Variants in SLC6A16 observed in about 807,000 individuals in gnomAD.
SLC6A16 encodes the protein solute carrier family 6 member 16.
In SLC6A16, 54 loss-of-function variants were observed where a neutral mutation model predicts 65.4. The observed-to-expected ratio is 0.83, with a 90% CI of 0.66 to 1.04. The LOEUF is 1.04. Among genes scored for constraint, SLC6A16 ranks in the 50% least tolerant of loss-of-function variants. SLC6A16 has a pLI of 0.00. For synonymous variants in SLC6A16, 330 were observed against 346.5 expected (o/e 0.95, Z 0.53); for missense variants, 816 against 914.0 (o/e 0.89, Z 1.38).
At chr19:49,337,094 C>T in the SLC6A16 span, 5 of 1,614,022 alleles carry the variant, frequency 3.1e-6, no homozygotes, top group East Asian at 2.2e-5. Context: ...CAAAAATGGC[C>T]TGGGCCGGGG....
At chr19:49,335,553 G>A in the SLC6A16 span, 7 of 1,613,876 alleles carry the variant, frequency 4.3e-6, no homozygotes, top group Non-Finnish European at 5.9e-6. This position sits in a 1 kb window ranked among gnomAD's most constrained non-coding sequence, Gnocchi z 4.6. Flanking sequence ...GTCAGCCCAG[G>A]AGAGCTGCCT....
the SLC6A16 span, chr19:49,339,293 A>G: frequency 6.3e-7 from 1 of 1,585,248 alleles, no homozygotes; most frequent in Middle Eastern, 1.7e-4. This position sits in a 1 kb window ranked among gnomAD's most constrained non-coding sequence, Gnocchi z 4.5. Context: ...TGAGAGTCCC[A>G]GAAAGAATCC....
chr19:49,319,498 T>C (rs557755672), intron 1 of SLC6A16, among the ~76,000 whole-genome samples: 1 of 150,528 alleles, frequency 6.6e-6, no homozygotes, highest in East Asian at 1.9e-4. Context: ...TACTTATACA[T>C]ATATGTGTAT....
intron 1 of SLC6A16, among the ~76,000 whole-genome samples, chr19:49,312,936 G>C (rs1970548497): frequency 6.6e-6 from 1 of 152,034 alleles, no homozygotes; most frequent in Non-Finnish European, 1.5e-5. Context: ...AAGATGATCA[G>C]GCCAGGCGCA....
At chr19:49,315,590 G>C (rs1970602456) in intron 1 of SLC6A16, among the ~76,000 whole-genome samples, 2 of 152,052 alleles carry the variant, frequency 1.3e-5, no homozygotes, top group Non-Finnish European at 2.9e-5. Flanking sequence ...AAGCTTCGTG[G>C]TAACTACAAA....
Position 49,309,108 on chromosome 19 carries a change from C to A in SLC6A16, c.997G>T (p.Val333Leu). The part of the protein sequence containing the change: ...QQLVVAKISD[V>L]YNMSVWSLAG... ...AGAGACCACACACTCATATTGTACA[C>A]ATCCGATATCTAAAAGAGAGAAGAC... Residue 333 changes from valine (V) to leucine (L), a missense_variant, in exon 7 of 12, where the codon GTG becomes TTG. Coordinates refer to ENST00000335875, the MANE Select transcript of SLC6A16 (RefSeq NM_014037.3). 1 of 1,614,100 alleles carries A rather than the reference C, an allele frequency of 6.2e-7. No individual in the cohort carries two copies. The highest frequency in any genetic ancestry group is 8.5e-7 in the Non-Finnish European group (1 of 1,179,986).
Position 49,311,168 on chromosome 19 carries a change from C to T in SLC6A16, c.180G>A (p.Gln60=). ...TTTGCTTGGGCTGACTGGTCCTGGC[C>T]TGAGCCTCTGCAACCCGGGCTGCTG... ...QVSAARVAEA[Q]ARTSQPKQIS... is the part of the protein sequence containing the mutation. The change falls in exon 2 of 12, where the codon CAG becomes CAA. Residue 60 remains glutamine, a synonymous_variant. Coordinates refer to ENST00000335875, the MANE Select transcript of SLC6A16 (RefSeq NM_014037.3). The T allele has an allele frequency of 6.2e-7, 1 of 1,614,130 alleles. No homozygotes were observed. Among genetic ancestry groups the T allele is most frequent in the East Asian group, 2.2e-5 (1 of 44,880 alleles).
chr19:49,337,306 A>G, the SLC6A16 span: 39 of 1,296,948 alleles, frequency 3.0e-5, no homozygotes, highest in Non-Finnish European at 4.1e-5. Context: ...AGAGACCGAA[A>G]CAAGGGCAGA....
intron 1 of SLC6A16, among the ~76,000 whole-genome samples, chr19:49,315,902 GA>G (rs1441775369): frequency 1.3e-5 from 2 of 152,022 alleles, no homozygotes; most frequent in African/African-American, 4.8e-5. Context: ...AACAATCAAT[GA>G]AACCAGCTAT....
chr19:49,297,068 T>C (rs1281445644), intron 7 of SLC6A16, among the ~76,000 whole-genome samples: 1 of 151,878 alleles, frequency 6.6e-6, no homozygotes, highest in Non-Finnish European at 1.5e-5. Context: ...TGAAAGAAAA[T>C]TGATAAATTG....
chr19:49,314,453 CCTCA>C (rs1467512651), intron 1 of SLC6A16, among the ~76,000 whole-genome samples: 1 of 152,050 alleles, frequency 6.6e-6, no homozygotes, highest in East Asian at 1.9e-4. Context: ...GTCAATCATC[CCTCA>C]ATAAATATGT....
chr19:49,338,748 A>C, the SLC6A16 span: 1 of 1,613,284 alleles, frequency 6.2e-7, no homozygotes, highest in Non-Finnish European at 8.5e-7. The surrounding 1 kb of genome is among the most constrained non-coding windows in gnomAD (Gnocchi z 5.0). Context: ...CCAAGTCCTC[A>C]TCCTGAGAGG....
At position 49,309,000 on chromosome 19, in the gene SLC6A16, T is replaced by C. The variant is rs1323052870; in HGVS notation, c.1105A>G (p.Asn369Asp). Residue 369 changes from asparagine to aspartate, a missense_variant, in exon 7 of 12, where the codon AAC (asparagine) becomes GAC (aspartate). Transcript: ENST00000335875. ...ACGAGAAAGGCATCACTGAGACAGT[T>C]GTTGGACTGGGGCATGTAGGAGGCT... is the stretch of plus-strand genomic sequence containing the variant. The part of the protein sequence containing the change: ...SLASYMPQSN[N>D]CLSDAFLVSV... The C allele has an allele frequency of 6.2e-7, 1 of 1,614,106 alleles. No homozygotes were observed. Among genetic ancestry groups the C allele is most frequent in the Admixed American group, 1.7e-5 (1 of 60,016 alleles).
At chr19:49,293,041 G>T (rs1970107510) in intron 10 of SLC6A16, 182 bp downstream of exon 10, 1 of 559,282 alleles carries the variant, frequency 1.8e-6, no homozygotes, top group East Asian at 2.8e-5. Flanking sequence ...ATAGTGCCTG[G>T]CACATATTCA....
At chr19:49,337,111 G>C in the SLC6A16 span, 1 of 1,614,064 alleles carries the variant, frequency 6.2e-7, no homozygotes, top group Non-Finnish European at 8.5e-7. Context: ...GGGGTTGCAG[G>C]GGTGGTCAGC....
At chr19:49,328,411 A>G (rs1970818561), upstream of SLC6A16, among the ~76,000 whole-genome samples, 1 of 152,166 alleles carries the variant, frequency 6.6e-6, no homozygotes, top group African/African-American at 2.4e-5. Flanking sequence ...CATGGGGATT[A>G]TGAAGATTAT....
chr19:49,338,972 G>T, the SLC6A16 span: 1 of 1,526,886 alleles, frequency 6.5e-7, no homozygotes, highest in South Asian at 1.1e-5. The surrounding 1 kb of genome is among the most constrained non-coding windows in gnomAD (Gnocchi z 5.0). Context: ...CTGTCGAATG[G>T]GGCGGGGCCT....
Position 49,293,227 on chromosome 19 carries a change from T to A in SLC6A16, c.1774A>T (p.Arg592Trp). The A allele has an allele frequency of 6.2e-7, 1 of 1,614,094 alleles. No individual in the cohort carries two copies. The highest frequency in any genetic ancestry group is 8.5e-7 in the Non-Finnish European group (1 of 1,180,016). ...TMAVSWAYGA[R>W]RFLADLTILL... ...AACCTGGGCTTAGGACATCACCTCC[T>A]GGCCCCATAGGCCCAGGATACAGCC... Residue 592 changes from arginine (R) to tryptophan (W), a missense_variant, in exon 10 of 12, where the codon AGG (arginine) becomes TGG (tryptophan). Arg to Trp is a moderately radical substitution (Grantham distance 101). Coordinates refer to ENST00000335875, the MANE Select transcript of SLC6A16 (RefSeq NM_014037.3).
At chr19:49,305,300 G>A (rs941622362) in intron 7 of SLC6A16, among the ~76,000 whole-genome samples, 2 of 152,064 alleles carry the variant, frequency 1.3e-5, no homozygotes, top group Non-Finnish European at 1.5e-5. Flanking sequence ...ACTTAAAGAA[G>A]AGCAGTGCCG....
Sources: gnomAD v4.1 joint callset for allele counts (sites outside exome capture counted in the v4.1 genomes callset) on GRCh38, gnomAD v4.1.1 for gene constraint, Gnocchi (gnomAD v3.1) non-coding constraint, MANE v1.5 for transcripts, NCBI Gene and HGNC (gene_info 2026-07-23, HGNC 2026-07-21) for gene names.